Variants in TRHDE observed in about 807,000 individuals in gnomAD.
TRHDE encodes thyrotropin releasing hormone degrading enzyme.
In TRHDE, 72 loss-of-function variants were observed where a neutral mutation model predicts 125.7. That is an observed-to-expected ratio of 0.57 (90% confidence interval 0.47 to 0.70). TRHDE has a LOEUF of 0.70. TRHDE is among the 30% of genes least tolerant of loss of function. TRHDE has a pLI of 0.00. For synonymous variants in TRHDE, 509 were observed against 509.1 expected (o/e 1.00, Z 0.00); for missense variants, 1,110 against 1,327.1 (o/e 0.84, Z 2.54).
chr12:72,637,461 GATTC>G (rs1351001446), intron 15 of TRHDE, among the ~76,000 whole-genome samples: 1 of 151,968 alleles, frequency 6.6e-6, no homozygotes, highest in Non-Finnish European at 1.5e-5. Context: ...CCAGCTCCTG[GATTC>G]ATTAATTTTT....
intron 1 of TRHDE, among the ~76,000 whole-genome samples, chr12:72,281,121 A>G (rs888438190): frequency 7.2e-5 from 11 of 152,146 alleles, no homozygotes; most frequent in African/African-American, 2.7e-4. Context: ...TCACATATGC[A>G]CCACTTCCTA....
chr12:72,319,000 C>T (rs932595210), intron 2 of TRHDE, among the ~76,000 whole-genome samples: 2 of 152,098 alleles, frequency 1.3e-5, no homozygotes, highest in Non-Finnish European at 2.9e-5. Flanking sequence ...AGAGAGGGCA[C>T]AGTCGGTGAG....
intron 6 of TRHDE, among the ~76,000 whole-genome samples, chr12:72,514,943 C>G (rs1878772753): frequency 6.7e-6 from 1 of 149,746 alleles, no homozygotes; most frequent in African/African-American, 2.5e-5. Context: ...CAATTTCATC[C>G]ATGTCCCTAC....
At chr12:72,386,430 T>C (rs1872418858) in intron 3 of TRHDE, among the ~76,000 whole-genome samples, 1 of 152,206 alleles carries the variant, frequency 6.6e-6, no homozygotes, top group Admixed American at 6.5e-5. Context: ...TTCCTCCTTT[T>C]GTGCACCTCA....
At chr12:72,466,049 C>A (rs1223683819) in intron 3 of TRHDE, among the ~76,000 whole-genome samples, 1 of 152,046 alleles carries the variant, frequency 6.6e-6, no homozygotes, top group African/African-American at 2.4e-5. Context: ...ATCTTGTTAC[C>A]CAGGCCTGAC....
At chr12:72,372,889 C>A (rs1408718035) in intron 2 of TRHDE, among the ~76,000 whole-genome samples, 2 of 151,968 alleles carry the variant, frequency 1.3e-5, no homozygotes, top group African/African-American at 2.4e-5. Context: ...TTTTGGTTCC[C>A]TATGAACTTT....
chr12:72,630,299 T>G (rs1427617061), intron 15 of TRHDE, among the ~76,000 whole-genome samples: 2 of 151,640 alleles, frequency 1.3e-5, no homozygotes, highest in South Asian at 4.2e-4. Flanking sequence ...AATCTGGTGA[T>G]GAGTGTCCCT....
intron 2 of TRHDE, among the ~76,000 whole-genome samples, chr12:72,148,709 G>A (rs751272415): frequency 6.6e-6 from 1 of 152,186 alleles, no homozygotes; most frequent in Non-Finnish European, 1.5e-5. Flanking sequence ...CTTAGGAATC[G>A]CAGTGATCTC....
intron 3 of TRHDE, among the ~76,000 whole-genome samples, chr12:72,421,727 A>G (rs1873963882): frequency 6.6e-6 from 1 of 152,156 alleles, no homozygotes; most frequent in South Asian, 2.1e-4. Flanking sequence ...TAGTTTGATT[A>G]TTATTATTTT....
rs770977159 is a variant in TRHDE, at chr12:72,377,998, C to T, written c.1192C>T (p.Arg398Ter). Residue 398 changes from arginine (R) to a stop codon, truncating the protein, a stop_gained, in exon 3 of 19, where the codon CGA becomes TGA. Coordinates refer to ENST00000261180, the MANE Select transcript of TRHDE (RefSeq NM_013381.3). LOFTEE classifies it high-confidence loss of function. ...ETTTKSGVVV[R>*]LYARPDAIRR... is the part of the protein sequence containing the mutation. ...TTTTATATATATTTTTAATTAGGTA[C>T]GATTATATGCAAGACCTGATGCTAT... is the stretch of plus-strand genomic sequence containing the variant. The T allele has an allele frequency of 7.0e-6, 11 of 1,574,200 alleles. No individual in the cohort carries two copies. Among genetic ancestry groups the T allele is most frequent in the Admixed American group, 2.0e-5 (1 of 50,900 alleles).
At chr12:72,490,389 G>A (rs1039941583) in intron 5 of TRHDE, among the ~76,000 whole-genome samples, 8 of 151,746 alleles carry the variant, frequency 5.3e-5, no homozygotes, top group South Asian at 2.1e-4. Context: ...GGAATATACA[G>A]TTATTATGGA....
At chr12:72,478,298 A>T (rs1190145899) in intron 5 of TRHDE, among the ~76,000 whole-genome samples, 1 of 152,176 alleles carries the variant, frequency 6.6e-6, no homozygotes, top group Non-Finnish European at 1.5e-5. Context: ...TTGAGAGACC[A>T]TAAGGAAGTG....
chr12:72,131,212 C>CA (rs1875855107), intron 2 of TRHDE, among the ~76,000 whole-genome samples: 1 of 151,542 alleles, frequency 6.6e-6, no homozygotes, highest in Admixed American at 6.6e-5. Context: ...GCTGGGACTA[C>CA]AGGCGCCCGC....
At chr12:72,489,419 C>A (rs940647457) in intron 5 of TRHDE, among the ~76,000 whole-genome samples, 1 of 151,634 alleles carries the variant, frequency 6.6e-6, no homozygotes, top group African/African-American at 2.4e-5. Flanking sequence ...TCTATATTAC[C>A]GAAAGCAATG....
intron 3 of TRHDE, among the ~76,000 whole-genome samples, chr12:72,438,310 G>A (rs555621266): frequency 2.6e-4 from 39 of 151,748 alleles, no homozygotes; most frequent in African/African-American, 9.2e-4. Flanking sequence ...GGATTCCTGG[G>A]TCATGTGGTA....
At chr12:72,624,964 C>G (rs1471528876) in intron 15 of TRHDE, among the ~76,000 whole-genome samples, 1 of 151,530 alleles carries the variant, frequency 6.6e-6, no homozygotes, top group Non-Finnish European at 1.5e-5. Context: ...AAGATGATGG[C>G]CTTTTTCTAT....
intron 2 of TRHDE, among the ~76,000 whole-genome samples, chr12:72,188,857 C>T (rs529045127): frequency 1.3e-5 from 2 of 152,320 alleles, no homozygotes; most frequent in East Asian, 3.9e-4. Context: ...AGCCTTCTTC[C>T]TTTTCCTTGT....
intron 2 of TRHDE, among the ~76,000 whole-genome samples, chr12:72,371,540 C>A (rs911887911): frequency 1.3e-5 from 2 of 151,502 alleles, no homozygotes; most frequent in African/African-American, 2.4e-5. Flanking sequence ...ATCCTTCCCC[C>A]CTCCCCCAAC....
chr12:72,469,747 T>C lies in TRHDE; in HGVS notation c.1316-11T>C, dbSNP rs1457236595. On this transcript the variant is annotated splice_polypyrimidine_tract_variant and intron_variant, in intron 3 of 18. Coordinates refer to ENST00000261180, the MANE Select transcript of TRHDE (RefSeq NM_013381.3). Reference sequence around the variant, plus strand: ...GTTAAAGCCTTTGGAACTGTTTTATTTTATTTCTAGATCTTTTAGCTGTGC... The same window carrying C: ...GTTAAAGCCTTTGGAACTGTTTTATCTTATTTCTAGATCTTTTAGCTGTGC... The C allele has an allele frequency of 6.2e-7, 1 of 1,612,978 alleles. No homozygotes were observed. The highest frequency in any genetic ancestry group is 2.2e-5 in the East Asian group (1 of 44,842).
Sources: allele counts gnomAD v4.1 joint callset (sites outside exome capture counted in the v4.1 genomes callset), GRCh38; gene constraint gnomAD v4.1.1; transcripts MANE v1.5; gene names NCBI Gene and HGNC (gene_info 2026-07-23, HGNC 2026-07-21).